Variants in ZNHIT3 observed in about 807,000 individuals in gnomAD.
ZNHIT3 encodes the protein zinc finger HIT-type containing 3, also known as zinc finger HIT domain-containing protein 3.
A neutral mutation model predicts 19.9 loss-of-function variants in ZNHIT3; 27 were observed. That is an observed-to-expected ratio of 1.36 (90% confidence interval 1.00 to 1.87). The LOEUF (loss-of-function observed/expected upper bound fraction) is 1.87. Ranked by LOEUF, ZNHIT3 falls within the 40% of genes most tolerant of loss-of-function variation. The probability of loss-of-function intolerance (pLI) is 0.00; values close to 1 mark genes in which losing one functional copy is unlikely to be tolerated. For synonymous variants in ZNHIT3, 81 were observed against 65.7 expected (o/e 1.23, Z -1.13); for missense variants, 215 against 185.6 (o/e 1.16, Z -0.92).
intron 2 of ZNHIT3, chr17:36,490,780 T>G (rs928005844): frequency 2.0e-5 from 3 of 152,344 alleles, no homozygotes; most frequent in South Asian, 2.1e-4. Context: ...TAAATAATTT[T>G]TATCAGAAAT....
At chr17:36,497,006 G>A (rs922135462), downstream of ZNHIT3, among the ~76,000 whole-genome samples, 1 of 152,010 alleles carries the variant, frequency 6.6e-6, no homozygotes, top group Middle Eastern at 3.2e-3. Context: ...ATGACTTCCT[G>A]AGTGTGCTGG....
At chr17:36,499,190 G>A (rs370907582), downstream of ZNHIT3, 142 of 1,549,066 alleles carry the variant, frequency 9.2e-5, no homozygotes, top group Non-Finnish European at 1.1e-4. Flanking sequence ...ACAGGAAAGA[G>A]ATAATAAAGG....
At chr17:36,493,752 T>C (rs1049947734) in intron 3 of ZNHIT3, among the ~76,000 whole-genome samples, 174 bp from the exon 4 acceptor site, 2 of 152,030 alleles carry the variant, frequency 1.3e-5, no homozygotes, top group Non-Finnish European at 2.9e-5. Context: ...AAAAAAGGAG[T>C]GTTAGTATAG....
At chr17:36,487,663 C>G (rs1400537082) in intron 2 of ZNHIT3, among the ~76,000 whole-genome samples, 2 of 151,906 alleles carry the variant, frequency 1.3e-5, no homozygotes, top group Non-Finnish European at 2.9e-5. Context: ...GCGAGGTGCG[C>G]GCCTGTAATC....
At chr17:36,489,576 G>A (rs1420246062) in intron 2 of ZNHIT3, 1 of 151,670 alleles carries the variant, frequency 6.6e-6, no homozygotes, top group Non-Finnish European at 1.5e-5. Flanking sequence ...GTACTTGTTG[G>A]CCATTTATAT....
intron 2 of ZNHIT3, among the ~76,000 whole-genome samples, chr17:36,487,529 C>G (rs994855882): frequency 2.6e-5 from 4 of 152,368 alleles, no homozygotes; most frequent in South Asian, 2.1e-4. Context: ...CGCGGTGGCT[C>G]ACGCCTGTGG....
intron 3 of ZNHIT3, 44 bp downstream of exon 3, chr17:36,492,943 A>T (rs758107033): frequency 1.4e-5 from 22 of 1,575,732 alleles, no homozygotes; most frequent in Non-Finnish European, 1.8e-5. Flanking sequence ...GACTTCACAT[A>T]GAATAAGTCG....
chr17:36,497,937 C>G, downstream of ZNHIT3: 1 of 308,850 alleles, frequency 3.2e-6, no homozygotes, highest in Non-Finnish European at 6.0e-6. Flanking sequence ...AGCCTTGGTT[C>G]TCACAGTGTG....
chr17:36,491,149 A>G (rs545044179), intron 2 of ZNHIT3: 1 of 152,016 alleles, frequency 6.6e-6, no homozygotes, highest in Non-Finnish European at 1.5e-5. Context: ...ATTCCCATGA[A>G]TATCTGCTGT....
rs1338561866 is a variant in ZNHIT3, at chr17:36,493,922, T to C, written c.206-4T>C. 2 of 1,609,754 alleles carry C rather than the reference T, an allele frequency of 1.2e-6. No individual in the cohort carries two copies. The highest frequency in any genetic ancestry group is 1.7e-6 in the Non-Finnish European group (2 of 1,176,438). On this transcript the variant is annotated splice_region_variant and splice_polypyrimidine_tract_variant and intron_variant, in intron 3 of 4. Transcript: ENST00000617429. ...TGAGCCATTGACTGTTTTGTATTCC[T>C]TAGATGATGATGACTCTATAGCTGA...
At chr17:36,498,703 A>G, downstream of ZNHIT3, 7 of 894,242 alleles carry the variant, frequency 7.8e-6, no homozygotes, top group Non-Finnish European at 1.2e-5. Flanking sequence ...CCCTGAACCA[A>G]ACTGGTTCCA....
chr17:36,492,979 T>C (rs2070762821), intron 3 of ZNHIT3, 80 bp downstream of exon 3: 2 of 1,330,016 alleles, frequency 1.5e-6, no homozygotes, highest in Admixed American at 1.7e-5. Context: ...GTGGGGCTGG[T>C]CAGGGAATCC....
intron 2 of ZNHIT3, among the ~76,000 whole-genome samples, chr17:36,488,589 T>G (rs964737945): frequency 6.6e-6 from 1 of 152,152 alleles, no homozygotes; most frequent in Admixed American, 6.6e-5. Flanking sequence ...TGCATACAAG[T>G]TCTAGCTCAC....
chr17:36,486,843 G>T, intron 1 of ZNHIT3, 58 bp downstream of exon 1: 1 of 1,595,208 alleles, frequency 6.3e-7, no homozygotes, highest in Non-Finnish European at 8.5e-7. Context: ...GCGGGAGGGC[G>T]GGAGGCCGGG....
downstream of ZNHIT3, chr17:36,496,056 G>C: frequency 1.2e-6 from 1 of 846,726 alleles, no homozygotes; most frequent in Non-Finnish European, 1.8e-6. Flanking sequence ...GACACCATCA[G>C]TGCTTGATGT....
chr17:36,494,756 G>T (rs758781499), intron 4 of ZNHIT3, among the ~76,000 whole-genome samples: 33 of 152,226 alleles, frequency 2.2e-4, no homozygotes, highest in Non-Finnish European at 3.7e-4. Context: ...CATGCCAAAT[G>T]GCATGCTTAG....
chr17:36,499,273 T>G (rs1404863296), downstream of ZNHIT3: 2 of 721,512 alleles, frequency 2.8e-6, no homozygotes, highest in East Asian at 6.0e-5. Context: ...TACGTTTTTT[T>G]TTTTTCAATA....
downstream of ZNHIT3, chr17:36,498,266 C>T (rs747539948): frequency 6.2e-7 from 1 of 1,609,862 alleles, no homozygotes; most frequent in South Asian, 1.1e-5. Flanking sequence ...CACAACGTAC[C>T]TGAGGCAGCG....
chr17:36,487,997 C>T (rs1185241439), intron 2 of ZNHIT3, among the ~76,000 whole-genome samples: 5 of 147,646 alleles, frequency 3.4e-5, no homozygotes, highest in African/African-American at 1.3e-4. Context: ...ACTCAGGAAG[C>T]AGAGGTGGGA....
Sources: gnomAD v4.1 joint callset for allele counts (sites outside exome capture counted in the v4.1 genomes callset) on GRCh38, gnomAD v4.1.1 for gene constraint, MANE v1.5 for transcripts, NCBI Gene and HGNC (gene_info 2026-07-23, HGNC 2026-07-21) for gene names.